The following KCNK2 variants were observed in gnomAD, a reference collection of about 807,000 sequenced individuals.
KCNK2 encodes the protein potassium channel subfamily K member 2.
A neutral mutation model predicts 40.5 loss-of-function variants in KCNK2; 21 were observed. The observed-to-expected ratio is 0.52, with a 90% confidence interval of 0.37 to 0.75. The LOEUF (loss-of-function observed/expected upper bound fraction) is 0.75, where lower values mean the gene tolerates loss of function less well. Among genes scored for constraint, KCNK2 ranks in the 30% least tolerant of loss-of-function variants. The pLI, the probability that KCNK2 is intolerant of heterozygous loss-of-function variation, is 0.00. For synonymous variants in KCNK2, 191 were observed against 202.2 expected (o/e 0.94, Z 0.47); for missense variants, 399 against 531.6 (o/e 0.75, Z 2.45).
At chr1:215,080,405 G>C (rs567081400), upstream of KCNK2, among the ~76,000 whole-genome samples, 1 of 152,258 alleles carries the variant, frequency 6.6e-6, no homozygotes, top group South Asian at 2.1e-4. Context: ...GGAGAACAAA[G>C]AGCCTATGAG....
In KCNK2 at chr1:215,136,007, A is replaced by G. The variant is rs1347812069; in HGVS notation, c.475+11257A>G. On this transcript the variant is annotated intron_variant, in intron 3 of 6. Transcript: ENST00000444842. ...CTCAGCCTCCCGAAGTGCTGGGATT[A>G]CAGGCGTTAGCCACCGTGCCTGGCC... Among the ~76,000 whole-genome samples, 20 of 152,326 alleles carry G rather than the reference A, an allele frequency of 1.3e-4. No individual in the cohort carries two copies. The South Asian group carries it at 1.4e-3, about 11-fold the overall frequency.
intron 3 of KCNK2, among the ~76,000 whole-genome samples, chr1:215,130,777 G>C (rs1156291311): frequency 1.3e-5 from 2 of 152,196 alleles, no homozygotes; most frequent in African/African-American, 2.4e-5. Flanking sequence ...CTTAAAAAAA[G>C]TTTACAGATG....
At chr1:215,057,839 A>G (rs1004591044) in intron 1 of KCNK2, among the ~76,000 whole-genome samples, 3 of 152,078 alleles carry the variant, frequency 2.0e-5, no homozygotes, top group Admixed American at 2.0e-4. Flanking sequence ...GCTTCATCTC[A>G]CCAAGCCCAA....
intron 3 of KCNK2, among the ~76,000 whole-genome samples, chr1:215,163,301 A>G (rs960607801): frequency 7.9e-5 from 12 of 152,126 alleles, no homozygotes; most frequent in Non-Finnish European, 1.6e-4. Context: ...TTGCTTATCA[A>G]CTTAAGGAGA....
chr1:215,220,020 C>T (rs1173529927), intron 6 of KCNK2, among the ~76,000 whole-genome samples: 1 of 152,120 alleles, frequency 6.6e-6, no homozygotes, highest in Non-Finnish European at 1.5e-5. Flanking sequence ...GGATAAAGGA[C>T]AATAATATTT....
intron 5 of KCNK2, among the ~76,000 whole-genome samples, chr1:215,192,767 C>T (rs1664719463): frequency 6.6e-6 from 1 of 152,050 alleles, no homozygotes; most frequent in African/African-American, 2.4e-5. Flanking sequence ...TATAATTATT[C>T]CCAGAAATAA....
upstream of KCNK2, among the ~76,000 whole-genome samples, chr1:215,080,605 GA>G (rs1407503401): frequency 7.6e-6 from 1 of 131,358 alleles, no homozygotes; most frequent in Non-Finnish European, 1.6e-5. Flanking sequence ...AGTTACTGCA[GA>G]TATTATGGTG....
At chr1:215,194,059 A>G (rs367935321) in intron 5 of KCNK2, among the ~76,000 whole-genome samples, 8 of 152,164 alleles carry the variant, frequency 5.3e-5, no homozygotes, top group South Asian at 2.1e-4. Context: ...AACTGTCTAT[A>G]TGAGGATTTC....
intron 6 of KCNK2, among the ~76,000 whole-genome samples, chr1:215,197,014 A>G (rs931472576): frequency 6.6e-6 from 1 of 152,182 alleles, no homozygotes; most frequent in Non-Finnish European, 1.5e-5. Flanking sequence ...AATATTATAA[A>G]TAAACTATGT....
At chr1:215,006,025 C>G in intron 1 of KCNK2, 1 of 1,279,272 alleles carries the variant, frequency 7.8e-7, no homozygotes, top group Non-Finnish European at 1.1e-6. Flanking sequence ...GAGTAGATTT[C>G]CAAGCAAGTA....
intron 6 of KCNK2, among the ~76,000 whole-genome samples, chr1:215,228,769 T>A (rs1666499046): frequency 6.6e-6 from 1 of 152,174 alleles, no homozygotes; most frequent in African/African-American, 2.4e-5. Context: ...AAAGCATTAT[T>A]TCTATTAAGA....
chr1:215,144,893 A>T (rs540839453), intron 3 of KCNK2, among the ~76,000 whole-genome samples: 3 of 152,214 alleles, frequency 2.0e-5, no homozygotes, highest in Non-Finnish European at 4.4e-5. Flanking sequence ...AGGATTAAAT[A>T]TTCTCACAGC....
chr1:215,015,927 A>G (rs966560234), intron 1 of KCNK2, among the ~76,000 whole-genome samples: 2 of 152,180 alleles, frequency 1.3e-5, no homozygotes, highest in African/African-American at 4.8e-5. Context: ...CTCTCCATTA[A>G]GTAAAAGCCT....
chr1:215,181,784 A>C (rs1664225937), intron 5 of KCNK2, among the ~76,000 whole-genome samples: 1 of 152,186 alleles, frequency 6.6e-6, no homozygotes. Flanking sequence ...TTTAACGGGA[A>C]TATCTTTCTG....
At chr1:215,058,978 T>C (rs138516027) in intron 1 of KCNK2, among the ~76,000 whole-genome samples, 8 of 152,274 alleles carry the variant, frequency 5.3e-5, no homozygotes, top group African/African-American at 1.9e-4. Context: ...TTTGTTTCTT[T>C]ACATGAGCTC....
chr1:215,120,210 G>A (rs1661120075), intron 2 of KCNK2, among the ~76,000 whole-genome samples: 1 of 152,084 alleles, frequency 6.6e-6, no homozygotes, highest in Non-Finnish European at 1.5e-5. Context: ...AAGTGTCTGG[G>A]TGATGTTGTA....
intron 1 of KCNK2, 57 bp from the exon 2 acceptor site, chr1:215,086,311 C>A: frequency 7.1e-7 from 1 of 1,407,756 alleles, no homozygotes; most frequent in Non-Finnish European, 9.9e-7. Flanking sequence ...AAGAAGAAGC[C>A]CGACCAATTC....
chr1:215,146,704 A>G (rs1662432288), intron 3 of KCNK2, among the ~76,000 whole-genome samples: 1 of 152,236 alleles, frequency 6.6e-6, no homozygotes, highest in Non-Finnish European at 1.5e-5. Context: ...TTGAGGACCC[A>G]TATCTCTCGC....
At chr1:215,166,489 A>G (rs920645107) in intron 3 of KCNK2, among the ~76,000 whole-genome samples, 6 of 152,182 alleles carry the variant, frequency 3.9e-5, no homozygotes, top group African/African-American at 1.4e-4. Context: ...CTTTGCCTCC[A>G]GAATCAAGCT....
Sources: gnomAD v4.1 joint callset for allele counts (sites outside exome capture counted in the v4.1 genomes callset) on GRCh38, gnomAD v4.1.1 for gene constraint, MANE v1.5 for transcripts, NCBI Gene and HGNC (gene_info 2026-07-23, HGNC 2026-07-21) for gene names.